Variants in NUDC observed in about 807,000 individuals in gnomAD.
NUDC encodes nuclear migration protein nudC.
NUDC carries 14 observed loss-of-function variants against 45.0 expected under a neutral mutation model. That is an observed-to-expected ratio of 0.31 (90% confidence interval 0.21 to 0.49). The LOEUF (loss-of-function observed/expected upper bound fraction) is 0.49. NUDC is among the 20% of genes least tolerant of loss of function. NUDC has a pLI of 0.99. For synonymous variants in NUDC, 153 were observed against 156.7 expected (o/e 0.98, Z 0.17); for missense variants, 323 against 426.2 (o/e 0.76, Z 2.13).
At chr1:26,922,897 C>T (rs2082102794) in intron 1 of NUDC, among the ~76,000 whole-genome samples, 1 of 152,200 alleles carries the variant, frequency 6.6e-6, no homozygotes, top group African/African-American at 2.4e-5. Context: ...TGTCTCCATT[C>T]CTCTAAACTG....
intron 6 of NUDC, 104 bp downstream of exon 6, chr1:26,943,169 T>C (rs1299585149): frequency 1.7e-6 from 2 of 1,149,144 alleles, no homozygotes; most frequent in East Asian, 4.7e-5. Context: ...TGTGGGATTA[T>C]CTTAATCCCC....
intron 2 of NUDC, among the ~76,000 whole-genome samples, chr1:26,932,054 A>G (rs1159224771): frequency 1.3e-5 from 2 of 150,042 alleles, no homozygotes; most frequent in East Asian, 3.9e-4. Flanking sequence ...TCACTCTGTC[A>G]CCCACTGGAG....
At chr1:26,933,047 A>G (rs1228708084) in intron 2 of NUDC, among the ~76,000 whole-genome samples, 2 of 151,708 alleles carry the variant, frequency 1.3e-5, no homozygotes, top group Non-Finnish European at 2.9e-5. Flanking sequence ...GGCTCACTGC[A>G]ACCTCAGCCT....
At position 26,946,421 on chromosome 1, in the gene NUDC, G is replaced by A. The variant is rs1244841333; in HGVS notation, c.*240G>A. On this transcript the variant is annotated 3_prime_UTR_variant, in exon 9 of 9. Transcript: ENST00000321265. Reference sequence around the variant, plus strand: ...TCCTTCTGTGTCCTCTCTTGCCTCTGGCCTTTCTCTGGGGCACAGGCCTCT... The same window carrying A: ...TCCTTCTGTGTCCTCTCTTGCCTCTAGCCTTTCTCTGGGGCACAGGCCTCT... 1.8e-6 allele frequency: 1 copy of A among 548,600 alleles called. No homozygotes were observed. The highest frequency in any genetic ancestry group is 3.3e-6 in the Non-Finnish European group (1 of 304,734). The allele number at this position is 548,600 out of a possible 1,614,324, so 34.0% of individuals were successfully genotyped here. A position where few individuals can be genotyped will look rare whatever the true frequency, so the allele number is the denominator to read the frequency against.
intron 2 of NUDC, among the ~76,000 whole-genome samples, chr1:26,933,184 T>C (rs2082197651): frequency 6.6e-6 from 1 of 151,958 alleles, no homozygotes; most frequent in Admixed American, 6.6e-5. Flanking sequence ...TCTGCCTGGC[T>C]CGGCCTCCCA....
chr1:26,918,172 CTTTT>C (rs770055094), upstream of NUDC, among the ~76,000 whole-genome samples: 5 of 130,404 alleles, frequency 3.8e-5, no homozygotes, highest in Non-Finnish European at 1.7e-5. Context: ...CTTGATTTAT[CTTTT>C]TTTTTTTTTT....
At chr1:26,921,712 A>G, upstream of NUDC, 2 of 931,306 alleles carry the variant, frequency 2.1e-6, no homozygotes, top group South Asian at 1.5e-5. Flanking sequence ...GGGCCTGGGC[A>G]GCCGCGCGCG....
chr1:26,920,729 C>T (rs1016736595), upstream of NUDC, among the ~76,000 whole-genome samples: 2 of 151,026 alleles, frequency 1.3e-5, no homozygotes, highest in African/African-American at 4.9e-5. Context: ...GAGACTTAGC[C>T]TGGGCAACAC....
rs2082022988 is a variant in NUDC at position 26,910,985 on chromosome 1, TAAAC to T, written c.-15-140_-15-137del. 8.0e-6 allele frequency: 3 copies of T among 377,034 alleles called. 1 individual carries two copies. In the East Asian group the frequency reaches 2.5e-4, roughly 32 times the overall value. 23.4% of individuals were successfully genotyped at this position (377,034 alleles called of 1,614,324 possible). On this transcript the variant is annotated intron_variant, in intron 2 of 6. Transcript: ENST00000435827. The stretch of plus-strand genomic sequence containing the variant: ...AAGTGTCATGGAAGGGTTTCAGACT[TAAAC>T]AACTGATGTAGTCAAATCCTGGTGG...
chr1:26,924,454 C>G (rs1218306059), intron 2 of NUDC, among the ~76,000 whole-genome samples: 1 of 152,212 alleles, frequency 6.6e-6, no homozygotes. Context: ...AAGTCTTGAG[C>G]TGAGCTGTGG....
At chr1:26,928,246 ATTT>A (rs1024445929) in intron 2 of NUDC, among the ~76,000 whole-genome samples, 2 of 151,988 alleles carry the variant, frequency 1.3e-5, no homozygotes, top group East Asian at 3.8e-4. Context: ...TGCTACATGA[ATTT>A]TTTTTGGTTA....
At chr1:26,935,039 TG>T (rs1216598976) in intron 2 of NUDC, among the ~76,000 whole-genome samples, 5 of 151,742 alleles carry the variant, frequency 3.3e-5, no homozygotes, top group Non-Finnish European at 5.9e-5. Flanking sequence ...TGGAGTGCAG[TG>T]GGGCGATCTC....
At chr1:26,914,975 ATATATGTATATG>A (rs57409245) in intron 3 of NUDC, among the ~76,000 whole-genome samples, 34,008 of 141,146 alleles carry the variant, frequency 0.24, 5,889 homozygotes, top group East Asian at 0.88. Flanking sequence ...TCAAAAAAAT[ATATATGTATATG>A]TATATGTATA....
At chr1:26,930,710 CAA>C (rs35636381) in intron 2 of NUDC, among the ~76,000 whole-genome samples, 138 of 111,616 alleles carry the variant, frequency 1.2e-3, no homozygotes, top group Admixed American at 1.2e-3. Context: ...AACCCTGTCT[CAA>C]AAAAAAAAAA....
intron 3 of NUDC, among the ~76,000 whole-genome samples, chr1:26,913,013 TG>T (rs1215176452): frequency 1.3e-5 from 2 of 152,334 alleles, no homozygotes; most frequent in African/African-American, 2.4e-5. Flanking sequence ...CCAAGCACGG[TG>T]GCTCACGCCT....
intron 2 of NUDC, among the ~76,000 whole-genome samples, chr1:26,909,275 C>T (rs1486572117): frequency 6.6e-6 from 1 of 151,904 alleles, no homozygotes; most frequent in Non-Finnish European, 1.5e-5. Flanking sequence ...GAGCCCGGCC[C>T]CTAGCTAATT....
chr1:26,940,114 A>G (rs2082264844), intron 2 of NUDC, among the ~76,000 whole-genome samples: 1 of 152,158 alleles, frequency 6.6e-6, no homozygotes, highest in African/African-American at 2.4e-5. Context: ...TGCTGGAGAG[A>G]GGGTGAACAG....
At chr1:26,936,019 A>C (rs1489485142) in intron 2 of NUDC, among the ~76,000 whole-genome samples, 1 of 146,334 alleles carries the variant, frequency 6.8e-6, no homozygotes, top group Non-Finnish European at 1.5e-5. Flanking sequence ...CTGAGGCGTG[A>C]GTGCAGTGGC....
intron 2 of NUDC, among the ~76,000 whole-genome samples, chr1:26,928,505 C>T (rs2082152306): frequency 6.6e-6 from 1 of 152,102 alleles, no homozygotes; most frequent in African/African-American, 2.4e-5. Context: ...GGAAAAATAA[C>T]ATTTAATTGT....
Sources: allele counts gnomAD v4.1 joint callset (sites outside exome capture counted in the v4.1 genomes callset), GRCh38; gene constraint gnomAD v4.1.1; transcripts MANE v1.5; gene names NCBI Gene and HGNC (gene_info 2026-07-23, HGNC 2026-07-21).